SPOUT1: variants seen among roughly 807,000 people sequenced by gnomAD.
SPOUT1 encodes the protein SPOUT domain containing methyltransferase 1, also known as 28S rRNA (uridine-N(3))-methyltransferase.
Under a neutral mutation model 54.8 loss-of-function variants are expected in SPOUT1, and 40 were observed. The observed-to-expected ratio is 0.73, with a 90% CI of 0.57 to 0.95. The LOEUF is 0.95. SPOUT1 is among the 40% of genes least tolerant of loss of function. The probability of loss-of-function intolerance (pLI) is 0.00; values close to 1 mark genes in which losing one functional copy is unlikely to be tolerated. For synonymous variants in SPOUT1, 193 were observed against 200.3 expected, an observed-to-expected ratio of 0.96 and a Z score of 0.31; for missense variants, 437 against 499.5, an observed-to-expected ratio of 0.87 and a Z score of 1.19.
Position 128,827,031 on chromosome 9 carries a change from C to G in SPOUT1, c.368+1G>C. 1 of 1,613,482 alleles carries G rather than the reference C, an allele frequency of 6.2e-7. No homozygotes were observed. Among genetic ancestry groups the G allele is most frequent in the Admixed American group, 1.7e-5 (1 of 60,002 alleles). On this transcript the variant is annotated splice_donor_variant, in intron 4 of 11. Coordinates refer to ENST00000361256, the MANE Select transcript of SPOUT1 (RefSeq NM_016390.4). LOFTEE classifies it high-confidence loss of function. The stretch of plus-strand genomic sequence containing the variant: ...TGGCACCCTGTGGGATGGCCCCTTA[C>G]TTGGCATCCTGGCCCTCCTCATCAA...
intron 3 of SPOUT1, 84 bp downstream of exon 3, chr9:128,828,651 C>T: frequency 4.1e-6 from 6 of 1,481,172 alleles, no homozygotes; most frequent in African/African-American, 2.8e-5. Context: ...TGTAAAGGCC[C>T]TTTCAGATAA....
rs191064320 is a variant in SPOUT1, at chr9:128,829,061, C to T, written c.82+49G>A. 3.8e-5 allele frequency: 59 copies of T among 1,555,336 alleles called. No homozygotes were observed. In the African/African-American group the frequency reaches 5.1e-4, roughly 14 times the overall value. On this transcript the variant is annotated intron_variant, in intron 2 of 11. Transcript: ENST00000361256. ...TGTCTTTCTCCAGGGTTTGACTGAG[C>T]ACTGGTGGAGTGGCCTATGGGAAGA...
intron 8 of SPOUT1, 26 bp downstream of exon 8, chr9:128,824,951 C>G (rs755424887): frequency 1.2e-6 from 2 of 1,606,208 alleles, no homozygotes; most frequent in South Asian, 2.2e-5. Context: ...CAGGCCAACC[C>G]AGGGGTTGGG....
chr9:128,820,949 G>C lies in SPOUT1; in HGVS notation c.*1816C>G. On this transcript the variant is annotated 3_prime_UTR_variant, in exon 12 of 12. Transcript: ENST00000361256. The stretch of plus-strand genomic sequence containing the variant: ...TGCCCCAGGCTCTGGGTCAATACCA[G>C]TTCCCTACTCATCTGGTTTCTTGGC... The C allele has an allele frequency of 9.6e-7, 1 of 1,042,156 alleles. No individual in the cohort carries two copies. Among genetic ancestry groups the C allele is most frequent in the Middle Eastern group, 2.6e-4 (1 of 3,790 alleles). 64.6% of individuals were successfully genotyped at this position (1,042,156 alleles called of 1,614,324 possible). A position where few individuals can be genotyped will look rare whatever the true frequency, so the allele number is the denominator to read the frequency against.
intron 3 of SPOUT1, 149 bp downstream of exon 3, chr9:128,828,586 C>T: frequency 1.2e-6 from 1 of 848,456 alleles, no homozygotes; most frequent in South Asian, 1.7e-5. Context: ...CTGGCTCCCT[C>T]CCTTCTCTGG....
chr9:128,829,257 C>A (rs533147659), intron 1 of SPOUT1, 102 bp from the exon 2 acceptor site: 6 of 962,276 alleles, frequency 6.2e-6, no homozygotes, highest in Non-Finnish European at 8.5e-6. Context: ...CACGGGGCGG[C>A]AAGGAAGCCA....
chr9:128,828,649 C>A, intron 3 of SPOUT1, 86 bp downstream of exon 3: 1 of 1,451,440 alleles, frequency 6.9e-7, no homozygotes, highest in Non-Finnish European at 9.5e-7. Context: ...TCTGTAAAGG[C>A]CCTTTCAGAT....
intron 1 of SPOUT1, 90 bp from the exon 2 acceptor site, chr9:128,829,245 C>T: frequency 8.8e-7 from 1 of 1,132,044 alleles, no homozygotes; most frequent in Non-Finnish European, 1.3e-6. Context: ...CCAGCCCCTC[C>T]ACACGGGGCG....
Position 128,825,592 on chromosome 9 carries a change from A to C in SPOUT1, c.639+430T>G, listed in dbSNP as rs1830225921. On this transcript the variant is annotated intron_variant, in intron 7 of 11. Transcript: ENST00000361256. ...AATGACCCGCCTGCCTCAGCCTCCC[A>C]AAGTGCTGGGGTTACAGGCGTGAGC... 1.3e-5 allele frequency among the ~76,000 whole-genome samples: 2 copies of C among 152,172 alleles called. 1 individual carries two copies. The highest frequency in any genetic ancestry group is 1.3e-4 in the Admixed American group (2 of 15,276).
At position 128,821,270 on chromosome 9, in the gene SPOUT1, T is replaced by C. The variant is rs1423853664; in HGVS notation, c.*1495A>G. ...CTGCGGTGCACCAAGCTCTCCCACCTTCCCTCTGCAGGTCCGAGGTGCACC... is the reference window on the plus strand; with the variant it reads ...CTGCGGTGCACCAAGCTCTCCCACCCTCCCTCTGCAGGTCCGAGGTGCACC... On this transcript the variant is annotated 3_prime_UTR_variant, in exon 12 of 12. Transcript: ENST00000361256. The C allele has an allele frequency of 4.6e-6, 1 of 215,062 alleles. No homozygotes were observed. The highest frequency in any genetic ancestry group is 9.5e-6 in the Non-Finnish European group (1 of 105,790). 13.3% of individuals were successfully genotyped at this position (215,062 alleles called of 1,614,324 possible). A position where few individuals can be genotyped will look rare whatever the true frequency, so the allele number is the denominator to read the frequency against.
rs569765724 is a variant in SPOUT1, at chr9:128,820,119, C to T, written c.*2646G>A. 1 of 152,602 alleles carries T rather than the reference C, an allele frequency of 6.6e-6. No individual in the cohort carries two copies. The highest frequency in any genetic ancestry group is 2.1e-4 in the South Asian group (1 of 4,838). The allele number at this position is 152,602 out of a possible 1,614,324, so 9.5% of individuals were successfully genotyped here. A position where few individuals can be genotyped will look rare whatever the true frequency, so the allele number is the denominator to read the frequency against. ...CCTTCAGGCAGTTTCGAGGCAGACACCTGGCCCACGATCAGGTTGTTAGTG... is the reference window on the plus strand; with the variant it reads ...CCTTCAGGCAGTTTCGAGGCAGACATCTGGCCCACGATCAGGTTGTTAGTG... On this transcript the variant is annotated 3_prime_UTR_variant, in exon 12 of 12. Transcript: ENST00000361256.
At position 128,820,838 on chromosome 9, in the gene SPOUT1, T is replaced by C. The variant is rs539285547; in HGVS notation, c.*1927A>G. ...CGTCTATGTCTGCACAGGGCCACTC[T>C]TCCTGCCCAGGTAAGGTGGAAACCA... On this transcript the variant is annotated 3_prime_UTR_variant, in exon 12 of 12. Coordinates refer to ENST00000361256, the MANE Select transcript of SPOUT1 (RefSeq NM_016390.4). The C allele has an allele frequency of 6.2e-7, 1 of 1,608,782 alleles. No homozygotes were observed. Among genetic ancestry groups the C allele is most frequent in the Admixed American group, 1.7e-5 (1 of 59,324 alleles).
Position 128,820,589 on chromosome 9 carries a change from G to A in SPOUT1, c.*2176C>T, listed in dbSNP as rs1589588568. ...CTCTATCAGCCCTGGGTTTCAGGGA[G>A]TGACTTTCATTCCTTGAGCCTCAGT... is the stretch of plus-strand genomic sequence containing the variant. On this transcript the variant is annotated 3_prime_UTR_variant, in exon 12 of 12. Coordinates refer to ENST00000361256, the MANE Select transcript of SPOUT1 (RefSeq NM_016390.4). The A allele has an allele frequency of 4.5e-6, 3 of 667,100 alleles. No individual in the cohort carries two copies. The highest frequency in any genetic ancestry group is 7.9e-6 in the Non-Finnish European group (3 of 380,122). 41.3% of individuals were successfully genotyped at this position (667,100 alleles called of 1,614,324 possible). A position where few individuals can be genotyped will look rare whatever the true frequency, so the allele number is the denominator to read the frequency against.
In SPOUT1 at chr9:128,822,329, A is replaced by G. The variant is rs956553543; in HGVS notation, c.*436T>C. ...ACGTGTGCCTGGGTCTGCCCACAGGACAGAGGCTGATGGGAAATCCTACGT... is the reference window on the plus strand; with the variant it reads ...ACGTGTGCCTGGGTCTGCCCACAGGGCAGAGGCTGATGGGAAATCCTACGT... On this transcript the variant is annotated 3_prime_UTR_variant, in exon 12 of 12. Transcript: ENST00000361256. The G allele has an allele frequency of 6.2e-7, 1 of 1,613,226 alleles. No homozygotes were observed. The highest frequency in any genetic ancestry group is 1.1e-5 in the South Asian group (1 of 91,050).
In SPOUT1 at chr9:128,823,822, C is replaced by T. The variant is rs367756830; in HGVS notation, c.987G>A (p.Val329=). ...AGADADPNLE[V]AEPSVLFDLY... ...GGTCAAAGAGGACACTGGGTTCAGC[C>T]ACCTCCAGGTTGGGGTCAGCATCCG... Residue 329 remains valine (V), a synonymous_variant, in exon 11 of 12, where the codon GTG becomes GTA. Coordinates refer to ENST00000361256, the MANE Select transcript of SPOUT1 (RefSeq NM_016390.4). The T allele has an allele frequency of 5.6e-6, 9 of 1,611,636 alleles. No individual in the cohort carries two copies. Among genetic ancestry groups the T allele is most frequent in the Non-Finnish European group, 7.6e-6 (9 of 1,179,478 alleles).
Position 128,826,668 on chromosome 9 carries a change from GC to G in SPOUT1, c.369-40del, listed in dbSNP as rs770564769. ...GATGGGGGCTCAGGATCCAGCTGTG[GC>G]CCCTTCAAGAGCTCCTGTCTACAAG... On this transcript the variant is annotated intron_variant, in intron 4 of 11. Transcript: ENST00000361256. The surrounding 1 kb of genome is among the most constrained non-coding windows in gnomAD (Gnocchi z 5.5). The G allele has an allele frequency of 1.8e-5, 26 of 1,408,376 alleles. No individual in the cohort carries two copies. Among genetic ancestry groups the G allele is most frequent in the Non-Finnish European group, 2.5e-5 (26 of 1,032,468 alleles). The allele number at this position is 1,408,376 out of a possible 1,614,324, so 87.2% of individuals were successfully genotyped here. A position where few individuals can be genotyped will look rare whatever the true frequency, so the allele number is the denominator to read the frequency against.
At chr9:128,828,282 G>C (rs1343257315) in intron 3 of SPOUT1, among the ~76,000 whole-genome samples, 2 of 152,180 alleles carry the variant, frequency 1.3e-5, no homozygotes, top group Admixed American at 1.3e-4. Flanking sequence ...GATCACCTGA[G>C]GTCAGGAGTT....
Position 128,820,850 on chromosome 9 carries a change from T to A in SPOUT1, c.*1915A>T. 6.2e-7 allele frequency: 1 copy of A among 1,605,256 alleles called. No individual in the cohort carries two copies. Among genetic ancestry groups the A allele is most frequent in the Non-Finnish European group, 8.5e-7 (1 of 1,175,432 alleles). Reference sequence around the variant, plus strand: ...CACAGGGCCACTCTTCCTGCCCAGGTAAGGTGGAAACCAGGGGGGCGGCAG... The same window carrying A: ...CACAGGGCCACTCTTCCTGCCCAGGAAAGGTGGAAACCAGGGGGGCGGCAG... On this transcript the variant is annotated 3_prime_UTR_variant, in exon 12 of 12. Coordinates refer to ENST00000361256, the MANE Select transcript of SPOUT1 (RefSeq NM_016390.4).
intron 3 of SPOUT1, among the ~76,000 whole-genome samples, chr9:128,828,469 C>T (rs1830282471): frequency 2.7e-5 from 4 of 147,620 alleles, no homozygotes; most frequent in Non-Finnish European, 5.9e-5. Flanking sequence ...GCACTCCAGC[C>T]TGGGCAACAG....
Sources: gnomAD v4.1 joint callset for allele counts (sites outside exome capture counted in the v4.1 genomes callset) on GRCh38, gnomAD v4.1.1 for gene constraint, Gnocchi (gnomAD v3.1) non-coding constraint, MANE v1.5 for transcripts, NCBI Gene and HGNC (gene_info 2026-07-23, HGNC 2026-07-21) for gene names.